FAF1: variants seen among roughly 807,000 people sequenced by gnomAD.
FAF1 encodes the protein Fas associated factor 1.
FAF1 carries 25 observed loss-of-function variants against 92.5 expected under a neutral mutation model. That is an observed-to-expected ratio of 0.27 (90% CI 0.20 to 0.38). The LOEUF is 0.38. Ranked by LOEUF, FAF1 falls within the 10% of genes least tolerant of loss-of-function variation. FAF1 has a pLI of 1.00. For synonymous variants in FAF1, 234 were observed against 273.2 expected (o/e 0.86, Z 1.42); for missense variants, 636 against 793.3 (o/e 0.80, Z 2.38).
intron 6 of FAF1, chr1:50,715,067 C>T (rs1290364497): frequency 2.5e-6 from 1 of 396,436 alleles, no homozygotes; most frequent in African/African-American, 2.1e-5. Flanking sequence ...AATTTGGTTT[C>T]TACAAACAGA....
At chr1:50,893,039 C>A (rs928360465) in intron 1 of FAF1, among the ~76,000 whole-genome samples, 4 of 152,040 alleles carry the variant, frequency 2.6e-5, no homozygotes, top group African/African-American at 9.7e-5. Context: ...CTGCTTGATT[C>A]TTTTTTAATT....
At chr1:50,569,696 C>T (rs1650341187) in intron 12 of FAF1, among the ~76,000 whole-genome samples, 1 of 152,142 alleles carries the variant, frequency 6.6e-6, no homozygotes, top group South Asian at 2.1e-4. Context: ...TTTAAAATGC[C>T]TATTTCTCTC....
At chr1:50,711,789 T>C (rs1657945979) in intron 6 of FAF1, among the ~76,000 whole-genome samples, 1 of 152,100 alleles carries the variant, frequency 6.6e-6, no homozygotes, top group Admixed American at 6.6e-5. Flanking sequence ...GAGGTCTTGT[T>C]TGGGGTTGAT....
intron 8 of FAF1, among the ~76,000 whole-genome samples, chr1:50,646,626 AT>A (rs1224017234): frequency 6.6e-6 from 1 of 152,126 alleles, no homozygotes; most frequent in Non-Finnish European, 1.5e-5. Flanking sequence ...CTGAGAAGTC[AT>A]TTTTTCACTA....
chr1:50,836,019 T>G (rs1393703494), intron 2 of FAF1, among the ~76,000 whole-genome samples: 2 of 152,086 alleles, frequency 1.3e-5, no homozygotes. Context: ...CTTGGGAATA[T>G]TTCTCTAAAA....
rs1212751258 is a variant in FAF1 at position 50,440,086 on chromosome 1, C to T, written c.*1354G>A. 2.0e-5 allele frequency: 3 copies of T among 152,194 alleles called. No homozygotes were observed. The highest frequency in any genetic ancestry group is 6.5e-5 in the Admixed American group (1 of 15,282). 9.4% of individuals were successfully genotyped at this position (152,194 alleles called of 1,614,324 possible). ...CCTTGGCCGAGGCTGGGGGAACAAACCCAGCATTTGAACTCTTTTTTGGAC... is the reference window on the plus strand; with the variant it reads ...CCTTGGCCGAGGCTGGGGGAACAAATCCAGCATTTGAACTCTTTTTTGGAC... On this transcript the variant is annotated 3_prime_UTR_variant, in exon 19 of 19. Transcript: ENST00000396153.
At chr1:50,531,897 C>T (rs752841662) in intron 15 of FAF1, among the ~76,000 whole-genome samples, 2 of 152,106 alleles carry the variant, frequency 1.3e-5, no homozygotes, top group Non-Finnish European at 2.9e-5. Flanking sequence ...GTGATGAATA[C>T]AATTTAAAGT....
chr1:50,672,151 T>A (rs994988928), intron 7 of FAF1, among the ~76,000 whole-genome samples: 7 of 152,050 alleles, frequency 4.6e-5, no homozygotes, highest in African/African-American at 1.7e-4. Context: ...GTTCAAGGAA[T>A]TCTCTGCCTC....
intron 4 of FAF1, among the ~76,000 whole-genome samples, chr1:50,783,535 C>T (rs1661257069): frequency 6.6e-6 from 1 of 152,078 alleles, no homozygotes; most frequent in South Asian, 2.1e-4. Context: ...GGATTACACA[C>T]CATGGCAAAG....
chr1:50,699,274 T>G (rs575546319), intron 7 of FAF1, among the ~76,000 whole-genome samples: 1 of 152,240 alleles, frequency 6.6e-6, no homozygotes, highest in African/African-American at 2.4e-5. Flanking sequence ...ACAGTCTTAG[T>G]ATTCCAAATT....
chr1:50,874,820 A>AGTGCAGTG (rs1644557697), intron 1 of FAF1, among the ~76,000 whole-genome samples: 1 of 110,390 alleles, frequency 9.1e-6, no homozygotes, highest in Non-Finnish European at 1.7e-5. Context: ...CCTGGGCTGG[A>AGTGCAGTG]GTGCAGTGGT....
intron 1 of FAF1, among the ~76,000 whole-genome samples, chr1:50,882,874 C>T (rs1325784451): frequency 6.6e-6 from 1 of 150,928 alleles, no homozygotes; most frequent in African/African-American, 2.4e-5. Flanking sequence ...TAATCCCAGA[C>T]ACTCGGGAGG....
At chr1:50,500,736 G>C (rs1435933354) in intron 15 of FAF1, among the ~76,000 whole-genome samples, 3 of 152,058 alleles carry the variant, frequency 2.0e-5, no homozygotes, top group Non-Finnish European at 4.4e-5. Flanking sequence ...AAAGTATCAT[G>C]TGTACCCCAT....
intron 13 of FAF1, among the ~76,000 whole-genome samples, chr1:50,559,360 T>G (rs1649757990): frequency 6.6e-6 from 1 of 152,248 alleles, no homozygotes; most frequent in African/African-American, 2.4e-5. Context: ...AGGCCATCAC[T>G]TTTATCCATT....
intron 7 of FAF1, among the ~76,000 whole-genome samples, chr1:50,668,401 G>A (rs185294259): frequency 6.6e-6 from 1 of 152,342 alleles, no homozygotes; most frequent in East Asian, 1.9e-4. Flanking sequence ...GGTTATCTGA[G>A]TCTAACTTGC....
intron 6 of FAF1, among the ~76,000 whole-genome samples, chr1:50,718,398 A>G (rs1658279263): frequency 6.6e-6 from 1 of 152,200 alleles, no homozygotes; most frequent in Non-Finnish European, 1.5e-5. Flanking sequence ...ATAACATTAT[A>G]TGTCCACTGA....
At chr1:50,581,606 T>A (rs947572037) in intron 12 of FAF1, among the ~76,000 whole-genome samples, 3 of 152,092 alleles carry the variant, frequency 2.0e-5, no homozygotes, top group Non-Finnish European at 4.4e-5. Flanking sequence ...ATAAACACTG[T>A]GTTAAGTGTA....
At chr1:50,550,597 C>T (rs1649265601) in intron 13 of FAF1, among the ~76,000 whole-genome samples, 1 of 152,012 alleles carries the variant, frequency 6.6e-6, no homozygotes, top group African/African-American at 2.4e-5. Flanking sequence ...AAACTTTATA[C>T]CTGTTATGAG....
At chr1:50,598,812 T>C (rs1651954513) in intron 8 of FAF1, among the ~76,000 whole-genome samples, 2 of 151,742 alleles carry the variant, frequency 1.3e-5, no homozygotes, top group Admixed American at 6.6e-5. Flanking sequence ...TTCTACTAAA[T>C]ACAAAAAATT....
Sources: allele counts gnomAD v4.1 joint callset (sites outside exome capture counted in the v4.1 genomes callset), GRCh38; gene constraint gnomAD v4.1.1; transcripts MANE v1.5; gene names NCBI Gene and HGNC (gene_info 2026-07-23, HGNC 2026-07-21).